Variants in PDZRN4 observed in about 807,000 individuals in gnomAD.
PDZRN4 encodes PDZ domain-containing RING finger protein 4.
Under a neutral mutation model 99.0 loss-of-function variants are expected in PDZRN4, and 70 were observed. The observed-to-expected ratio is 0.71, with a 90% CI of 0.58 to 0.86. The LOEUF is 0.86. Among genes scored for constraint, PDZRN4 ranks in the 40% least tolerant of loss-of-function variants. The probability of loss-of-function intolerance (pLI) is 0.00; values close to 1 mark genes in which losing one functional copy is unlikely to be tolerated. For missense variants in PDZRN4, 1,474 were observed against 1,331.2 expected, an observed-to-expected ratio of 1.11 and a Z score of -1.67; for synonymous variants, 551 against 501.6, an observed-to-expected ratio of 1.10 and a Z score of -1.32.
At chr12:41,232,736 G>T (rs1048678948) in intron 3 of PDZRN4, among the ~76,000 whole-genome samples, 16 of 152,192 alleles carry the variant, frequency 1.1e-4, no homozygotes, top group Non-Finnish European at 1.6e-4. Flanking sequence ...TAGACATGAA[G>T]TCCTTGCCCA....
intron 3 of PDZRN4, among the ~76,000 whole-genome samples, chr12:41,463,442 G>A (rs535819694): frequency 1.3e-5 from 2 of 151,926 alleles, no homozygotes; most frequent in South Asian, 2.1e-4. Context: ...TCATCCTCAG[G>A]TTATGATCTT....
chr12:41,321,325 T>G (rs778731030), intron 3 of PDZRN4, among the ~76,000 whole-genome samples: 1 of 152,174 alleles, frequency 6.6e-6, no homozygotes. Flanking sequence ...GATTTAGTGG[T>G]ATATTCTCTG....
intron 3 of PDZRN4, among the ~76,000 whole-genome samples, chr12:41,215,403 T>A (rs1476828817): frequency 6.6e-6 from 1 of 152,094 alleles, no homozygotes; most frequent in Middle Eastern, 3.2e-3. Flanking sequence ...CTCTAAGGTC[T>A]AGACTACTCA....
chr12:41,189,541 C>A (rs953083004), intron 1 of PDZRN4, among the ~76,000 whole-genome samples: 1 of 152,168 alleles, frequency 6.6e-6, no homozygotes, highest in Non-Finnish European at 1.5e-5. Context: ...CCACCAGCAT[C>A]CCCGCGGCCC....
intron 3 of PDZRN4, among the ~76,000 whole-genome samples, chr12:41,243,407 G>A (rs1951112846): frequency 6.6e-6 from 1 of 152,094 alleles, no homozygotes; most frequent in Admixed American, 6.5e-5. Flanking sequence ...GTTAAACAAG[G>A]AAAAATATTG....
At chr12:41,277,961 G>T (rs145702838) in intron 3 of PDZRN4, among the ~76,000 whole-genome samples, 1 of 152,096 alleles carries the variant, frequency 6.6e-6, no homozygotes, top group Non-Finnish European at 1.5e-5. Context: ...TTTAGTCCTC[G>T]GCAAAGAATT....
At chr12:41,444,236 C>T (rs1952704468) in intron 3 of PDZRN4, among the ~76,000 whole-genome samples, 1 of 152,072 alleles carries the variant, frequency 6.6e-6, no homozygotes, top group Non-Finnish European at 1.5e-5. Context: ...TAATTTTAGG[C>T]TCCACTTTAA....
At chr12:41,512,956 C>T (rs1454088522) in intron 5 of PDZRN4, among the ~76,000 whole-genome samples, 1 of 152,088 alleles carries the variant, frequency 6.6e-6, no homozygotes, top group Non-Finnish European at 1.5e-5. Flanking sequence ...AAAGAAATAG[C>T]TTCTAGTATA....
chr12:41,421,361 T>A (rs918024444), intron 3 of PDZRN4, among the ~76,000 whole-genome samples: 1 of 152,062 alleles, frequency 6.6e-6, no homozygotes, highest in Admixed American at 6.6e-5. Flanking sequence ...CCTGGTTGAT[T>A]TTTGTATTTT....
intron 3 of PDZRN4, chr12:41,437,728 T>A (rs993289607): frequency 1.4e-6 from 2 of 1,449,458 alleles, no homozygotes; most frequent in African/African-American, 2.8e-5. Context: ...TGTGTGTGTA[T>A]CCGTGAGTGC....
intron 3 of PDZRN4, among the ~76,000 whole-genome samples, chr12:41,459,233 G>A (rs1952847833): frequency 6.6e-6 from 1 of 152,146 alleles, no homozygotes; most frequent in South Asian, 2.1e-4. Flanking sequence ...CCGTAGATTT[G>A]TTAATCTGAC....
At chr12:41,517,211 A>G (rs981686981) in intron 5 of PDZRN4, among the ~76,000 whole-genome samples, 4 of 152,108 alleles carry the variant, frequency 2.6e-5, no homozygotes, top group African/African-American at 7.2e-5. Flanking sequence ...GAACCTTCCA[A>G]GTTGGTTATT....
chr12:41,364,205 T>A (rs904031906), intron 3 of PDZRN4, among the ~76,000 whole-genome samples: 1 of 152,094 alleles, frequency 6.6e-6, no homozygotes, highest in Non-Finnish European at 1.5e-5. Flanking sequence ...TGTGTCATTA[T>A]TTTTTCTGGG....
intron 3 of PDZRN4, among the ~76,000 whole-genome samples, chr12:41,357,037 G>C (rs1951932661): frequency 6.6e-6 from 1 of 151,876 alleles, no homozygotes; most frequent in Non-Finnish European, 1.5e-5. Context: ...TTGTTTAAAG[G>C]TTTTTAATTT....
chr12:41,428,672 G>A (rs1432199626), intron 3 of PDZRN4, among the ~76,000 whole-genome samples: 1 of 152,192 alleles, frequency 6.6e-6, no homozygotes, highest in Non-Finnish European at 1.5e-5. Context: ...GAGCAAGAGT[G>A]AGAGGAGTTG....
chr12:41,372,101 T>A (rs955810944), intron 3 of PDZRN4, among the ~76,000 whole-genome samples: 4 of 151,718 alleles, frequency 2.6e-5, no homozygotes, highest in African/African-American at 4.8e-5. Flanking sequence ...ATTTTTCCCC[T>A]AAAGGAAAGA....
chr12:41,555,003 T>C (rs1188443395), intron 6 of PDZRN4, among the ~76,000 whole-genome samples: 2 of 137,702 alleles, frequency 1.5e-5, no homozygotes, highest in Non-Finnish European at 3.0e-5. Context: ...GGTCAGGAGA[T>C]CAAGACCATC....
At chr12:41,568,841 G>T (rs1286784035) in intron 9 of PDZRN4, among the ~76,000 whole-genome samples, 7 of 150,966 alleles carry the variant, frequency 4.6e-5, no homozygotes, top group African/African-American at 1.7e-4. Flanking sequence ...ATCTTGCTCT[G>T]TCGCTCAGGC....
intron 3 of PDZRN4, among the ~76,000 whole-genome samples, chr12:41,334,298 T>C (rs768306460): frequency 6.6e-6 from 1 of 151,898 alleles, no homozygotes; most frequent in Non-Finnish European, 1.5e-5. Flanking sequence ...TTTGGTTTTG[T>C]TTGCTCTTGA....
Sources: allele counts gnomAD v4.1 joint callset (sites outside exome capture counted in the v4.1 genomes callset), GRCh38; gene constraint gnomAD v4.1.1; transcripts MANE v1.5; gene names NCBI Gene and HGNC (gene_info 2026-07-23, HGNC 2026-07-21).